The following NCOA7 variants were observed in gnomAD, a reference collection of about 807,000 sequenced individuals.
NCOA7 encodes 140 kDa estrogen receptor-associated protein.
NCOA7 carries 45 observed loss-of-function variants against 104.3 expected under a neutral mutation model. The observed-to-expected ratio is 0.43, with a 90% CI of 0.34 to 0.55. The LOEUF (loss-of-function observed/expected upper bound fraction) is 0.55, where lower values mean the gene tolerates loss of function less well. NCOA7 is among the 20% of genes least tolerant of loss of function. NCOA7 has a pLI of 0.02. For missense variants in NCOA7, 1,041 were observed against 1,119.7 expected (o/e 0.93, Z 1.00); for synonymous variants, 398 against 402.3 (o/e 0.99, Z 0.13).
intron 2 of NCOA7, among the ~76,000 whole-genome samples, chr6:125,815,809 A>G (rs1044454630): frequency 1.6e-4 from 25 of 152,236 alleles, no homozygotes; most frequent in African/African-American, 5.1e-4. Context: ...TGGGGAGTCT[A>G]TTACTAAGAA....
At chr6:125,888,215 T>C (rs561647783) in intron 8 of NCOA7, among the ~76,000 whole-genome samples, 2 of 152,364 alleles carry the variant, frequency 1.3e-5, no homozygotes, top group East Asian at 1.9e-4. Flanking sequence ...GATATTGTTA[T>C]GAAATATTTA....
At chr6:125,803,910 A>C (rs1295291576) in intron 1 of NCOA7, among the ~76,000 whole-genome samples, 2 of 152,152 alleles carry the variant, frequency 1.3e-5, no homozygotes, top group African/African-American at 4.8e-5. Flanking sequence ...AATAGTAATA[A>C]GTAGTAATAG....
intron 7 of NCOA7, 31 bp from the exon 8 acceptor site, chr6:125,885,128 A>C (rs368198925): frequency 1.4e-5 from 22 of 1,608,166 alleles, no homozygotes; most frequent in Admixed American, 1.7e-5. Flanking sequence ...TTCTGCCTGA[A>C]GTGATTCTGT....
chr6:125,861,346 A>G (rs1782034077), intron 3 of NCOA7, among the ~76,000 whole-genome samples: 1 of 152,050 alleles, frequency 6.6e-6, no homozygotes, highest in Non-Finnish European at 1.5e-5. Flanking sequence ...TCTTCGTTTT[A>G]CTTGGCAAGT....
chr6:125,890,735 A>C lies in NCOA7; in HGVS notation c.2021A>C (p.His674Pro). 6.2e-7 allele frequency: 1 copy of C among 1,613,940 alleles called. No individual in the cohort carries two copies. Among genetic ancestry groups the C allele is most frequent in the South Asian group, 1.1e-5 (1 of 91,062 alleles). ...GKPMRKSFAT[H>P]TAAMVQQYGK... ...CCAATGAGAAAATCCTTTGCCACTC[A>C]CACTGCAGCCATGGTCCAGCAGTAC... The change falls in exon 10 of 16, where the codon CAC becomes CCC. Residue 674 changes from histidine (H) to proline (P), a missense_variant. Coordinates refer to ENST00000392477, the MANE Select transcript of NCOA7 (RefSeq NM_181782.5).
chr6:125,832,589 A>G (rs924674680), intron 2 of NCOA7, among the ~76,000 whole-genome samples: 2 of 152,236 alleles, frequency 1.3e-5, no homozygotes, highest in African/African-American at 4.8e-5. Flanking sequence ...TAAGGCCACA[A>G]ATGATTGGTT....
Position 125,863,917 on chromosome 6 carries a change from C to T in NCOA7, c.271+8677C>T, listed in dbSNP as rs746444353. Among the ~76,000 whole-genome samples, 3 of 137,782 alleles carry T rather than the reference C, an allele frequency of 2.2e-5. 1 individual carries two copies. Among genetic ancestry groups the T allele is most frequent in the Non-Finnish European group, 3.1e-5 (2 of 64,876 alleles). 90.4% of individuals were successfully genotyped at this position (137,782 alleles called of 152,430 possible). A position where few individuals can be genotyped will look rare whatever the true frequency, so the allele number is the denominator to read the frequency against. Reference sequence around the variant, plus strand: ...TCAATGGCTCCTTTTCCTAATACCACACACTTGTGGGTGAGGATTTCAACA... The same window carrying T: ...TCAATGGCTCCTTTTCCTAATACCATACACTTGTGGGTGAGGATTTCAACA... On this transcript the variant is annotated intron_variant, in intron 3 of 15. Coordinates refer to ENST00000392477, the MANE Select transcript of NCOA7 (RefSeq NM_181782.5).
At chr6:125,848,443 G>A (rs147470996) in intron 2 of NCOA7, among the ~76,000 whole-genome samples, 1,552 of 152,092 alleles carry the variant, frequency 0.01, 19 homozygotes, top group African/African-American at 0.036. Flanking sequence ...AATATGGCAC[G>A]TATACACCAT....
intron 2 of NCOA7, among the ~76,000 whole-genome samples, chr6:125,852,622 A>G (rs987019734): frequency 6.6e-6 from 1 of 152,164 alleles, no homozygotes; most frequent in African/African-American, 2.4e-5. Context: ...ATTGTTTTGC[A>G]TATAGCTATT....
At chr6:125,906,001 C>T (rs1221051656) in intron 10 of NCOA7, among the ~76,000 whole-genome samples, 2 of 152,016 alleles carry the variant, frequency 1.3e-5, no homozygotes, top group Non-Finnish European at 2.9e-5. Context: ...TGGGGTTTCA[C>T]CGTATTGGCC....
rs1189414477 is a variant in NCOA7 at position 125,864,830 on chromosome 6, G to T, written c.271+9590G>T. Among the ~76,000 whole-genome samples, 2 of 137,726 alleles carry T rather than the reference G, an allele frequency of 1.5e-5. 1 individual carries two copies. The highest frequency in any genetic ancestry group is 1.4e-4 in the Admixed American group (2 of 14,530). The allele number at this position is 137,726 out of a possible 152,430, so 90.4% of individuals were successfully genotyped here. A position where few individuals can be genotyped will look rare whatever the true frequency, so the allele number is the denominator to read the frequency against. On this transcript the variant is annotated intron_variant, in intron 3 of 15. Transcript: ENST00000392477. ...GCAGCCTGAATATACTAAGACAATG[G>T]CTGTATATAGTTTTGATTCACGTGA... is the stretch of plus-strand genomic sequence containing the variant.
rs1032469891 is a variant in NCOA7, at chr6:125,889,468, A to G, written c.1414A>G (p.Thr472Ala). 6.2e-7 allele frequency: 1 copy of G among 1,613,988 alleles called. No individual in the cohort carries two copies. Among genetic ancestry groups the G allele is most frequent in the Non-Finnish European group, 8.5e-7 (1 of 1,180,004 alleles). Reference sequence around the variant, plus strand: ...GCAGTCAGCCCTAGCCTTTTTGGGAACAGAGAATGATGTTGAACTGAAGGG... The same window carrying G: ...GCAGTCAGCCCTAGCCTTTTTGGGAGCAGAGAATGATGTTGAACTGAAGGG... Reference protein sequence around the residue: ...QVQSALAFLGTENDVELKGAL... With the variant: ...QVQSALAFLGAENDVELKGAL... Residue 472 changes from threonine to alanine, a missense_variant, in exon 9 of 16, where the codon ACA becomes GCA. Thr to Ala is a moderately conservative substitution (Grantham distance 58). Coordinates refer to ENST00000392477, the MANE Select transcript of NCOA7 (RefSeq NM_181782.5).
chr6:125,905,473 G>T (rs1785913718), intron 10 of NCOA7, among the ~76,000 whole-genome samples: 1 of 152,126 alleles, frequency 6.6e-6, no homozygotes, highest in Non-Finnish European at 1.5e-5. Flanking sequence ...TGTTGGCCAG[G>T]CTGGTCTAGA....
intron 3 of NCOA7, among the ~76,000 whole-genome samples, chr6:125,866,294 A>G (rs1435347096): frequency 1.3e-5 from 2 of 151,958 alleles, no homozygotes; most frequent in African/African-American, 2.4e-5. Context: ...ACGCCATTGC[A>G]CTCCAGCCTG....
At chr6:125,845,657 A>G (rs909648850) in intron 2 of NCOA7, among the ~76,000 whole-genome samples, 16 of 152,252 alleles carry the variant, frequency 1.1e-4, no homozygotes, top group Non-Finnish European at 1.8e-4. Context: ...CATGCCTGCA[A>G]TCCCAGCTAC....
chr6:125,861,878 A>C (rs1236033491), intron 3 of NCOA7, among the ~76,000 whole-genome samples: 3 of 151,594 alleles, frequency 2.0e-5, no homozygotes, highest in Non-Finnish European at 4.4e-5. Context: ...CTCTACTAAA[A>C]ATACAAAAAT....
intron 13 of NCOA7, among the ~76,000 whole-genome samples, chr6:125,924,944 T>C (rs1332682089): frequency 7.9e-5 from 12 of 152,120 alleles, no homozygotes; most frequent in Admixed American, 7.9e-4. Context: ...CAAGCAAGTG[T>C]GGCCTAGAGG....
chr6:125,826,689 G>A (rs865922976), intron 2 of NCOA7, among the ~76,000 whole-genome samples: 1 of 152,152 alleles, frequency 6.6e-6, no homozygotes, highest in South Asian at 2.1e-4. Context: ...AACAAATATG[G>A]TCCTTGCCCT....
At chr6:125,799,597 G>A (rs1045685841) in intron 1 of NCOA7, among the ~76,000 whole-genome samples, 6 of 151,814 alleles carry the variant, frequency 4.0e-5, no homozygotes, top group East Asian at 1.9e-4. Flanking sequence ...GCACCACCAC[G>A]CCCAGCTAAT....
Sources: gnomAD v4.1 joint callset for allele counts (sites outside exome capture counted in the v4.1 genomes callset) on GRCh38, gnomAD v4.1.1 for gene constraint, MANE v1.5 for transcripts, NCBI Gene and HGNC (gene_info 2026-07-23, HGNC 2026-07-21) for gene names.